SMIM35: variants seen among roughly 807,000 people sequenced by gnomAD.
SMIM35 encodes the protein small integral membrane protein 35.
At chr11:118,046,129 T>G (rs1265375671) in intron 1 of SMIM35, among the ~76,000 whole-genome samples, 1 of 152,156 alleles carries the variant, frequency 6.6e-6, no homozygotes, top group Non-Finnish European at 1.5e-5. Context: ...ATCAGTAGCC[T>G]TTGTCCTCCT....
At chr11:118,045,781 T>C (rs1470970922) in intron 1 of SMIM35, among the ~76,000 whole-genome samples, 1 of 152,198 alleles carries the variant, frequency 6.6e-6, no homozygotes, top group Non-Finnish European at 1.5e-5. Flanking sequence ...GTATAATGAA[T>C]GAACAGACAG....
rs2058117350 is a variant in SMIM35 at position 118,005,598 on chromosome 11, C to G, written c.*812G>C. ...CCTGATAAATGGCACCACCTTTCCC[C>G]TAGTTCAGGCCAAAAATCCAGGAGT... On this transcript the variant is annotated 3_prime_UTR_variant, in exon 5 of 5. Transcript: ENST00000689828. 1.3e-5 allele frequency: 2 copies of G among 152,446 alleles called. No homozygotes were observed. Among genetic ancestry groups the G allele is most frequent in the East Asian group, 3.8e-4 (2 of 5,208 alleles). The allele number at this position is 152,446 out of a possible 1,614,324, so 9.4% of individuals were successfully genotyped here.
chr11:118,020,252 C>T (rs1022020590), intron 1 of SMIM35, among the ~76,000 whole-genome samples: 3 of 152,034 alleles, frequency 2.0e-5, no homozygotes, highest in Non-Finnish European at 2.9e-5. Context: ...GGTGAGAGAG[C>T]GAGACTCCAT....
At chr11:118,080,969 C>T in intron 1 of SMIM35, among the ~76,000 whole-genome samples, 1 of 152,180 alleles carries the variant, frequency 6.6e-6, no homozygotes, top group East Asian at 1.9e-4. Context: ...AATCATCTAC[C>T]ACATTTTCTT....
At chr11:118,030,863 C>A (rs1463864521) in intron 1 of SMIM35, among the ~76,000 whole-genome samples, 1 of 151,822 alleles carries the variant, frequency 6.6e-6, no homozygotes. Context: ...TTATGGCCCA[C>A]CAAGTGGAGT....
intron 1 of SMIM35, among the ~76,000 whole-genome samples, chr11:118,086,361 G>A (rs921170075): frequency 1.3e-4 from 20 of 152,224 alleles, no homozygotes; most frequent in African/African-American, 3.9e-4. Flanking sequence ...TGAGGTGCTC[G>A]GCTCAAATTG....
At chr11:118,051,918 G>C (rs930314257) in intron 1 of SMIM35, among the ~76,000 whole-genome samples, 1 of 152,196 alleles carries the variant, frequency 6.6e-6, no homozygotes, top group African/African-American at 2.4e-5. Flanking sequence ...CACGGGTGAC[G>C]CAGGGAGAGT....
At chr11:118,076,631 G>A (rs566166416) in intron 1 of SMIM35, among the ~76,000 whole-genome samples, 35 of 152,130 alleles carry the variant, frequency 2.3e-4, no homozygotes, top group African/African-American at 8.0e-4. Flanking sequence ...TCCAGGGAAA[G>A]GGGGTACATC....
At chr11:118,038,647 T>C (rs1481818068) in intron 1 of SMIM35, among the ~76,000 whole-genome samples, 2 of 151,722 alleles carry the variant, frequency 1.3e-5, no homozygotes, top group Non-Finnish European at 2.9e-5. Flanking sequence ...CTGGTAATCA[T>C]GGACCCTTCT....
chr11:118,023,836 G>A (rs765818460), intron 1 of SMIM35, among the ~76,000 whole-genome samples: 6 of 151,940 alleles, frequency 3.9e-5, no homozygotes, highest in Non-Finnish European at 7.4e-5. Flanking sequence ...AGTTCCAGAC[G>A]AGCCTGGCCA....
At chr11:118,034,871 C>T (rs1453748239) in intron 1 of SMIM35, among the ~76,000 whole-genome samples, 2 of 152,208 alleles carry the variant, frequency 1.3e-5, no homozygotes, top group Non-Finnish European at 2.9e-5. Flanking sequence ...GGGAAGCTCC[C>T]CTTGGAATAT....
At chr11:118,019,702 G>A (rs11216695) in intron 1 of SMIM35, among the ~76,000 whole-genome samples, 14,617 of 150,164 alleles carry the variant, frequency 0.097, 981 homozygotes, top group East Asian at 0.37. Context: ...TTTTTTTCTA[G>A]AAGTTTTAAC....
intron 4 of SMIM35, among the ~76,000 whole-genome samples, chr11:118,006,836 T>A (rs181263055): frequency 4.6e-5 from 7 of 152,272 alleles, no homozygotes; most frequent in Non-Finnish European, 7.4e-5. Flanking sequence ...ACCCTACAAC[T>A]CTTGGGTGTT....
At chr11:118,018,634 T>C (rs1231814335) in intron 1 of SMIM35, among the ~76,000 whole-genome samples, 1 of 152,076 alleles carries the variant, frequency 6.6e-6, no homozygotes, top group Non-Finnish European at 1.5e-5. Flanking sequence ...CAAAGAAAAG[T>C]CTGTCCAAAA....
At chr11:118,046,031 C>T (rs1322829179) in intron 1 of SMIM35, among the ~76,000 whole-genome samples, 1 of 152,182 alleles carries the variant, frequency 6.6e-6, no homozygotes, top group Non-Finnish European at 1.5e-5. Context: ...GCTCCTGACA[C>T]ATGGTAGATA....
chr11:118,053,224 C>T (rs1410610136), intron 1 of SMIM35, among the ~76,000 whole-genome samples: 4 of 152,046 alleles, frequency 2.6e-5, no homozygotes, highest in Non-Finnish European at 5.9e-5. Flanking sequence ...CAGAGAATCG[C>T]TTGAACCCAG....
intron 1 of SMIM35, among the ~76,000 whole-genome samples, chr11:118,027,098 G>T (rs1305679732): frequency 7.1e-6 from 1 of 140,934 alleles, no homozygotes; most frequent in Non-Finnish European, 1.5e-5. Flanking sequence ...CGCAATCTCG[G>T]CTCACTGCAA....
At chr11:118,079,081 G>C (rs1460578810) in intron 1 of SMIM35, among the ~76,000 whole-genome samples, 1 of 152,122 alleles carries the variant, frequency 6.6e-6, no homozygotes, top group Admixed American at 6.5e-5. Flanking sequence ...GGGAACACTG[G>C]TGGAGGGGTC....
chr11:118,078,074 T>G (rs1009378926), intron 1 of SMIM35, among the ~76,000 whole-genome samples: 2 of 141,626 alleles, frequency 1.4e-5, no homozygotes, highest in Admixed American at 7.1e-5. Flanking sequence ...AGTGCAGAGA[T>G]GCCTCCAAAC....
Sources: gnomAD v4.1 joint callset for allele counts (sites outside exome capture counted in the v4.1 genomes callset) on GRCh38, gnomAD v4.1.1 for gene constraint, MANE v1.5 for transcripts, NCBI Gene and HGNC (gene_info 2026-07-23, HGNC 2026-07-21) for gene names.